Variants in FSIP1 observed in about 807,000 individuals in gnomAD.
The protein encoded by FSIP1 is fibrous sheath-interacting protein 1.
In FSIP1, 65 loss-of-function variants were observed where a neutral mutation model predicts 60.9. That is an observed-to-expected ratio of 1.07 (90% CI 0.87 to 1.31). The LOEUF is 1.31. Ranked by LOEUF, FSIP1 falls within the 40% of genes most tolerant of loss-of-function variation. The pLI is 0.00. For synonymous variants in FSIP1, 209 were observed against 221.2 expected, an observed-to-expected ratio of 0.94 and a Z score of 0.49; for missense variants, 675 against 665.5, an observed-to-expected ratio of 1.01 and a Z score of -0.16.
intron 10 of FSIP1, among the ~76,000 whole-genome samples, chr15:39,687,077 A>G (rs1300604429): frequency 6.7e-6 from 1 of 149,122 alleles, no homozygotes; most frequent in Admixed American, 6.7e-5. Flanking sequence ...CTCTTACTCA[A>G]TAACACTCCT....
chr15:39,736,055 G>A (rs1304187176), intron 8 of FSIP1, among the ~76,000 whole-genome samples: 1 of 152,180 alleles, frequency 6.6e-6, no homozygotes, highest in Non-Finnish European at 1.5e-5. Context: ...TTTTTTATAT[G>A]TAAGTACAAG....
At chr15:39,663,796 G>A (rs1893391331) in intron 10 of FSIP1, among the ~76,000 whole-genome samples, 1 of 152,098 alleles carries the variant, frequency 6.6e-6, no homozygotes, top group Non-Finnish European at 1.5e-5. Flanking sequence ...GGACAACTAG[G>A]TTTTTAAAAT....
chr15:39,655,961 T>C (rs570313825), intron 10 of FSIP1, among the ~76,000 whole-genome samples: 1 of 152,278 alleles, frequency 6.6e-6, no homozygotes, highest in Non-Finnish European at 1.5e-5. Context: ...TCAGGAAGAA[T>C]TCAATATAGA....
intron 10 of FSIP1, among the ~76,000 whole-genome samples, chr15:39,642,506 C>A (rs1352656876): frequency 1.3e-5 from 2 of 152,106 alleles, no homozygotes; most frequent in African/African-American, 4.8e-5. Flanking sequence ...TCTTTAGTGA[C>A]AGGGATCTGC....
intron 10 of FSIP1, among the ~76,000 whole-genome samples, chr15:39,640,695 G>C (rs117267883): frequency 6.8e-6 from 1 of 147,966 alleles, no homozygotes; most frequent in Admixed American, 6.8e-5. Context: ...AAAGACTCCA[G>C]TGCAACCACG....
rs547675264 is a variant in FSIP1 at position 39,639,524 on chromosome 15, A to G, written c.1189-21279T>C. Among the ~76,000 whole-genome samples the G allele has an allele frequency of 7.0e-4, 107 of 152,354 alleles. 1 individual carries two copies. Among genetic ancestry groups the G allele is most frequent in the Non-Finnish European group, 1.0e-3 (69 of 68,026 alleles). On this transcript the variant is annotated intron_variant, in intron 10 of 11. Transcript: ENST00000350221. Reference sequence around the variant, plus strand: ...CAATTATGTTTCTTTAAAAGGCTACAGTCAGGAACTACATACAATATATTT... The same window carrying G: ...CAATTATGTTTCTTTAAAAGGCTACGGTCAGGAACTACATACAATATATTT...
chr15:39,648,943 GT>G (rs561208113), intron 10 of FSIP1, among the ~76,000 whole-genome samples: 4,935 of 145,520 alleles, frequency 0.034, 249 homozygotes, highest in African/African-American at 0.11. Context: ...CTTGTGCAAA[GT>G]TTTTTTTTTT....
At chr15:39,672,308 G>A (rs1027484223) in intron 10 of FSIP1, among the ~76,000 whole-genome samples, 4 of 152,174 alleles carry the variant, frequency 2.6e-5, no homozygotes, top group South Asian at 4.1e-4. Context: ...ATGAAGAGGC[G>A]ATTGCTGTGA....
intron 10 of FSIP1, among the ~76,000 whole-genome samples, chr15:39,628,217 G>C (rs187935713): frequency 5.9e-5 from 9 of 152,324 alleles, no homozygotes; most frequent in African/African-American, 2.2e-4. Context: ...TGGAGGCCTA[G>C]GATTTACCTA....
chr15:39,656,489 G>A (rs1341896878), intron 10 of FSIP1, among the ~76,000 whole-genome samples: 1 of 152,174 alleles, frequency 6.6e-6, no homozygotes, highest in African/African-American at 2.4e-5. Flanking sequence ...TTGTCTGAGA[G>A]TGTGGCACTT....
At chr15:39,710,736 T>C (rs1895473030) in intron 10 of FSIP1, among the ~76,000 whole-genome samples, 1 of 152,240 alleles carries the variant, frequency 6.6e-6, no homozygotes, top group Admixed American at 6.5e-5. Flanking sequence ...TTACTAGCTG[T>C]ATAACCTCAA....
At chr15:39,780,104 G>A (rs1018593071) in intron 1 of FSIP1, among the ~76,000 whole-genome samples, 22 of 152,188 alleles carry the variant, frequency 1.4e-4, no homozygotes, top group African/African-American at 5.3e-4. Context: ...AGTGTTAATA[G>A]AGACTTGCAG....
chr15:39,759,078 G>A (rs945531711), intron 5 of FSIP1, among the ~76,000 whole-genome samples: 3 of 151,738 alleles, frequency 2.0e-5, no homozygotes, highest in East Asian at 3.9e-4. Context: ...ACTGATGAAA[G>A]GAAAATATAT....
At chr15:39,701,907 T>C (rs370832213) in intron 10 of FSIP1, among the ~76,000 whole-genome samples, 1 of 152,166 alleles carries the variant, frequency 6.6e-6, no homozygotes, top group Non-Finnish European at 1.5e-5. Context: ...ACGTTTAAAT[T>C]ATTGTGTTCT....
intron 10 of FSIP1, among the ~76,000 whole-genome samples, chr15:39,648,455 A>C (rs1248293470): frequency 3.3e-5 from 5 of 152,222 alleles, no homozygotes; most frequent in Admixed American, 2.0e-4. Context: ...TACGCATCGT[A>C]AGTTCTTAAA....
At chr15:39,612,409 AG>A (rs1311182403) in intron 11 of FSIP1, among the ~76,000 whole-genome samples, 2 of 152,186 alleles carry the variant, frequency 1.3e-5, no homozygotes, top group East Asian at 1.9e-4. Flanking sequence ...AATAGGTCAG[AG>A]GGGGGAAAAA....
At chr15:39,762,110 G>A (rs1161013708) in intron 5 of FSIP1, among the ~76,000 whole-genome samples, 1 of 152,196 alleles carries the variant, frequency 6.6e-6, no homozygotes, top group Non-Finnish European at 1.5e-5. Flanking sequence ...TTTATTCAGT[G>A]TCTGCATTGA....
chr15:39,777,218 G>A (rs534171873), intron 1 of FSIP1, among the ~76,000 whole-genome samples: 11 of 152,000 alleles, frequency 7.2e-5, no homozygotes, highest in African/African-American at 2.2e-4. Flanking sequence ...ACTTTCTTTC[G>A]GTTTTGCCTT....
rs184482676 is a variant in FSIP1, at chr15:39,643,811, T to A, written c.1189-25566A>T. 2.2e-3 allele frequency among the ~76,000 whole-genome samples: 342 copies of A among 152,374 alleles called. 3 individuals are homozygous for A. The highest frequency in any genetic ancestry group is 3.5e-3 in the Non-Finnish European group (236 of 68,036). ...TGCCTTTGCAGTTTACTCTTCAGCA[T>A]ATATTATTTCATAAGCAAGGTACTC... is the stretch of plus-strand genomic sequence containing the variant. On this transcript the variant is annotated intron_variant, in intron 10 of 11. Coordinates refer to ENST00000350221, the MANE Select transcript of FSIP1 (RefSeq NM_152597.5).
Sources: allele counts gnomAD v4.1 joint callset (sites outside exome capture counted in the v4.1 genomes callset), GRCh38; gene constraint gnomAD v4.1.1; transcripts MANE v1.5; gene names NCBI Gene and HGNC (gene_info 2026-07-23, HGNC 2026-07-21).